MPPED2: variants seen among roughly 807,000 people sequenced by gnomAD.
The protein encoded by MPPED2 is metallophosphoesterase domain containing 2.
In MPPED2, 5 loss-of-function variants were observed where a neutral mutation model predicts 33.0. That is an observed-to-expected ratio of 0.15 (90% confidence interval 0.08 to 0.32). MPPED2 has a LOEUF of 0.32. Ranked by LOEUF, MPPED2 falls within the 10% of genes least tolerant of loss-of-function variation. The pLI, the probability that MPPED2 is intolerant of heterozygous loss-of-function variation, is 1.00. For missense variants in MPPED2, 275 were observed against 372.1 expected (o/e 0.74, Z 2.15); for synonymous variants, 136 against 141.9 (o/e 0.96, Z 0.29).
At chr11:30,430,963 A>G (rs1949052527) in intron 4 of MPPED2, among the ~76,000 whole-genome samples, 1 of 152,214 alleles carries the variant, frequency 6.6e-6, no homozygotes, top group Non-Finnish European at 1.5e-5. Flanking sequence ...AAAAATCAGA[A>G]TTAGAGATGA....
At chr11:30,512,924 C>T (rs957563700) in intron 3 of MPPED2, among the ~76,000 whole-genome samples, 2 of 151,802 alleles carry the variant, frequency 1.3e-5, no homozygotes, top group Admixed American at 6.6e-5. Flanking sequence ...TAGCTTGAAT[C>T]GGGGGGCAGA....
chr11:30,578,287 A>G (rs1228617858), intron 2 of MPPED2, among the ~76,000 whole-genome samples: 1 of 152,178 alleles, frequency 6.6e-6, no homozygotes, highest in Admixed American at 6.5e-5. Context: ...GTGTGGCTGA[A>G]GCAGAGGGTT....
intron 4 of MPPED2, among the ~76,000 whole-genome samples, chr11:30,428,492 T>C (rs931674897): frequency 4.6e-5 from 7 of 152,164 alleles, no homozygotes; most frequent in Admixed American, 2.6e-4. Context: ...TGAGCTCTGA[T>C]ACACCACTGC....
At chr11:30,417,449 G>A (rs976256482) in intron 5 of MPPED2, 69 bp downstream of exon 5, 53 of 721,030 alleles carry the variant, frequency 7.4e-5, no homozygotes, top group Non-Finnish European at 6.8e-5. Flanking sequence ...TTATGTCCCT[G>A]AAGCATTATT....
At chr11:30,520,753 T>A (rs1363807772) in intron 3 of MPPED2, among the ~76,000 whole-genome samples, 4 of 152,124 alleles carry the variant, frequency 2.6e-5, no homozygotes, top group African/African-American at 7.2e-5. Flanking sequence ...CGTTAAAAAA[T>A]AGGGGAGAAT....
chr11:30,438,703 G>A (rs966632449), intron 4 of MPPED2, among the ~76,000 whole-genome samples: 26 of 152,196 alleles, frequency 1.7e-4, no homozygotes, highest in African/African-American at 5.8e-4. Flanking sequence ...GATCCTATCT[G>A]TACTACCTGC....
In MPPED2 at chr11:30,414,865, C is replaced by T. The variant is rs543145145; in HGVS notation, c.653-524G>A. 7.2e-5 allele frequency among the ~76,000 whole-genome samples: 11 copies of T among 152,294 alleles called. 1 individual carries two copies. In the Middle Eastern group the frequency reaches 0.017, roughly 235 times the overall value. On this transcript the variant is annotated intron_variant, in intron 5 of 6. Coordinates refer to ENST00000358117, the MANE Select transcript of MPPED2 (RefSeq NM_001584.3). The stretch of plus-strand genomic sequence containing the variant: ...AAAGCTTTGGAAAGCTAGGTTGCTC[C>T]TGTGGTCCTGTCCTCTCCAGCGACA...
intron 1 of MPPED2, 112 bp from the exon 2 acceptor site, chr11:30,580,606 G>A (rs1363617536): frequency 2.2e-5 from 24 of 1,083,316 alleles, no homozygotes; most frequent in Non-Finnish European, 2.5e-5. Context: ...ATCTGAATAT[G>A]TGTTGTTGGC....
At chr11:30,430,029 G>T (rs866783515) in intron 4 of MPPED2, among the ~76,000 whole-genome samples, 1 of 151,962 alleles carries the variant, frequency 6.6e-6, no homozygotes, top group Non-Finnish European at 1.5e-5. Context: ...CCAAGATCTA[G>T]CACAGTGCCT....
intron 2 of MPPED2, among the ~76,000 whole-genome samples, chr11:30,565,232 T>C (rs1009630723): frequency 1.3e-5 from 2 of 152,102 alleles, no homozygotes; most frequent in African/African-American, 4.8e-5. Context: ...TTTGAAGCTG[T>C]CCCTAATGAG....
chr11:30,495,861 A>C (rs1392007316), intron 3 of MPPED2, among the ~76,000 whole-genome samples: 1 of 152,170 alleles, frequency 6.6e-6, no homozygotes, highest in African/African-American at 2.4e-5. Flanking sequence ...TTTAATCACG[A>C]TCCTTAAGAG....
intron 6 of MPPED2, among the ~76,000 whole-genome samples, chr11:30,389,616 C>A (rs557291767): frequency 6.6e-6 from 1 of 152,164 alleles, no homozygotes; most frequent in African/African-American, 2.4e-5. Flanking sequence ...ATTTAATAAT[C>A]CTGAATGGCT....
intron 3 of MPPED2, among the ~76,000 whole-genome samples, chr11:30,496,376 G>A (rs987780368): frequency 1.3e-5 from 2 of 152,114 alleles, no homozygotes; most frequent in African/African-American, 4.8e-5. Flanking sequence ...AAAATCCAAA[G>A]GGAGATAGTG....
chr11:30,396,907 G>GTGAT, intron 6 of MPPED2, among the ~76,000 whole-genome samples: 1 of 152,204 alleles, frequency 6.6e-6, no homozygotes, highest in South Asian at 2.1e-4. Context: ...GTAGTAACTA[G>GTGAT]TGATTCCCTG....
exon 7 of MPPED2, chr11:30,388,703 C>T: frequency 1.5e-6 from 1 of 667,478 alleles, no homozygotes; most frequent in East Asian, 3.3e-5. Context: ...GCAGTCTTTC[C>T]TGTTGTCCAC....
At chr11:30,568,919 A>G (rs747743591) in intron 2 of MPPED2, among the ~76,000 whole-genome samples, 7 of 151,122 alleles carry the variant, frequency 4.6e-5, no homozygotes, top group Non-Finnish European at 1.0e-4. Context: ...AAAAGGGCTC[A>G]TTTTTTTTTG....
chr11:30,426,177 C>G (rs1948828423), intron 4 of MPPED2, among the ~76,000 whole-genome samples: 1 of 152,206 alleles, frequency 6.6e-6, no homozygotes, highest in Admixed American at 6.5e-5. Flanking sequence ...CCTTCTCCCC[C>G]AGTCCCTAGT....
chr11:30,420,757 A>C (rs1948574502), intron 4 of MPPED2, among the ~76,000 whole-genome samples: 1 of 152,180 alleles, frequency 6.6e-6, no homozygotes, highest in Non-Finnish European at 1.5e-5. Context: ...AGTTCAAAGA[A>C]TCAGTCTTTC....
In MPPED2 at chr11:30,461,901, T is replaced by C. The variant is rs553508674; in HGVS notation, c.536+33395A>G. ...GAAAACTTTGCTACGTTCTAGGAGA[T>C]TATCCTGTGTAAACATTGAGGCAGA... On this transcript the variant is annotated intron_variant, in intron 4 of 6. Coordinates refer to ENST00000358117, the MANE Select transcript of MPPED2 (RefSeq NM_001584.3). Among the ~76,000 whole-genome samples the C allele has an allele frequency of 1.5e-4, 23 of 152,306 alleles. 1 individual carries two copies. The East Asian group carries it at 4.2e-3, about 28-fold the overall frequency.
Sources: allele counts gnomAD v4.1 joint callset (sites outside exome capture counted in the v4.1 genomes callset), GRCh38; gene constraint gnomAD v4.1.1; transcripts MANE v1.5; gene names NCBI Gene and HGNC (gene_info 2026-07-23, HGNC 2026-07-21).